Variants in EHD3 observed in about 807,000 individuals in gnomAD.
The protein encoded by EHD3 is EH domain-containing protein 3.
A neutral mutation model predicts 43.0 loss-of-function variants in EHD3; 17 were observed. The observed-to-expected ratio is 0.40, with a 90% confidence interval of 0.27 to 0.59. The LOEUF is 0.59. Ranked by LOEUF, EHD3 falls within the 20% of genes least tolerant of loss-of-function variation. The pLI, the probability that EHD3 is intolerant of heterozygous loss-of-function variation, is 0.49. For synonymous variants in EHD3, 313 were observed against 289.5 expected, an observed-to-expected ratio of 1.08 and a Z score of -0.82; for missense variants, 594 against 705.6, an observed-to-expected ratio of 0.84 and a Z score of 1.79.
At chr2:31,242,229 C>T (rs752681523) in intron 1 of EHD3, among the ~76,000 whole-genome samples, 3 of 152,238 alleles carry the variant, frequency 2.0e-5, no homozygotes, top group Non-Finnish European at 4.4e-5. Flanking sequence ...CCCTGGCCAC[C>T]ACCCCTCTGT....
At chr2:31,265,754 C>G (rs1683936992) in intron 5 of EHD3, among the ~76,000 whole-genome samples, 1 of 152,040 alleles carries the variant, frequency 6.6e-6, no homozygotes, top group Admixed American at 6.5e-5. Flanking sequence ...CAGTATAACC[C>G]TTATTAAAGT....
In EHD3 at chr2:31,256,737, G is replaced by A. The variant is rs1160681837; in HGVS notation, c.503-3773G>A. Among the ~76,000 whole-genome samples the A allele has an allele frequency of 2.0e-5, 3 of 152,230 alleles. No homozygotes were observed. The East Asian group carries it at 5.8e-4, about 29-fold the overall frequency. The stretch of plus-strand genomic sequence containing the variant: ...TACATCGCTGGTGTCATCAGGGATT[G>A]CAGCAAGTTGCAGGGACAGAGCCTC... On this transcript the variant is annotated intron_variant, in intron 3 of 5. Transcript: ENST00000322054.
chr2:31,250,268 CTTT>C (rs34290931), intron 3 of EHD3, among the ~76,000 whole-genome samples: 25 of 126,054 alleles, frequency 2.0e-4, no homozygotes, highest in Non-Finnish European at 1.5e-4. Flanking sequence ...TCGTTGTTTT[CTTT>C]TTTTTTTTTT....
In EHD3 at chr2:31,244,393, T is replaced by C; in HGVS notation, c.347T>C (p.Val116Ala). ...ATCATCCCTGGGAACGCCCTGGTGGTGGATCCCAAGAAACCCTTCAGGAAA... is the reference window on the plus strand; with the variant it reads ...ATCATCCCTGGGAACGCCCTGGTGGCGGATCCCAAGAAACCCTTCAGGAAA... ...EGIIPGNALV[V>A]DPKKPFRKLN... The change falls in exon 2 of 6, where the codon GTG becomes GCG. Residue 116 changes from valine (V) to alanine (A), a missense_variant. Around this residue, in one of 3 missense-constraint regions of EHD3, gnomAD observed 243 missense variants for 296.7 expected, o/e 0.82. Coordinates refer to ENST00000322054, the MANE Select transcript of EHD3 (RefSeq NM_014600.3). 6.2e-7 allele frequency: 1 copy of C among 1,614,176 alleles called. No homozygotes were observed. Among genetic ancestry groups the C allele is most frequent in the Non-Finnish European group, 8.5e-7 (1 of 1,180,032 alleles).
chr2:31,234,542 C>A lies in EHD3; in HGVS notation c.-80C>A. The A allele has an allele frequency of 1.3e-6, 2 of 1,508,798 alleles. No homozygotes were observed. Among genetic ancestry groups the A allele is most frequent in the Non-Finnish European group, 1.8e-6 (2 of 1,109,998 alleles). 93.5% of individuals were successfully genotyped at this position (1,508,798 alleles called of 1,614,324 possible). A position where few individuals can be genotyped will look rare whatever the true frequency, so the allele number is the denominator to read the frequency against. On this transcript the variant is annotated 5_prime_UTR_variant, in exon 1 of 6. Transcript: ENST00000322054. Reference sequence around the variant, plus strand: ...GGCGGCGGCGCGGCTCGGAGCCCGGCGGACCGGTCCTACGGGACATCTTCC... The same window carrying A: ...GGCGGCGGCGCGGCTCGGAGCCCGGAGGACCGGTCCTACGGGACATCTTCC...
chr2:31,260,457 C>A lies in EHD3; in HGVS notation c.503-53C>A. On this transcript the variant is annotated intron_variant, in intron 3 of 5. Coordinates refer to ENST00000322054, the MANE Select transcript of EHD3 (RefSeq NM_014600.3). The surrounding 1 kb of genome is among the most constrained non-coding windows in gnomAD (Gnocchi z 4.6). ...TACCACACCCGACTGCTTCTCCAAA[C>A]CCCTACCCTATACCCCAAAGGCCCC... The A allele has an allele frequency of 6.5e-7, 1 of 1,535,430 alleles. No individual in the cohort carries two copies. The highest frequency in any genetic ancestry group is 8.8e-7 in the Non-Finnish European group (1 of 1,136,720).
intron 3 of EHD3, among the ~76,000 whole-genome samples, chr2:31,252,818 C>A (rs1683664264): frequency 6.6e-6 from 1 of 152,142 alleles, no homozygotes; most frequent in South Asian, 2.1e-4. Flanking sequence ...AAATGATGGC[C>A]CCAGGAGTGG....
At chr2:31,250,002 G>A (rs1683602294) in intron 3 of EHD3, among the ~76,000 whole-genome samples, 1 of 151,970 alleles carries the variant, frequency 6.6e-6, no homozygotes. Context: ...ACAGAACTCT[G>A]GAGTCAGGCT....
rs1683285698 is a variant in EHD3, at chr2:31,234,530, C to T, written c.-92C>T. On this transcript the variant is annotated 5_prime_UTR_variant, in exon 1 of 6. Transcript: ENST00000322054. ...GCGCTTGGGTGAGGCGGCGGCGCGG[C>T]TCGGAGCCCGGCGGACCGGTCCTAC... 2.7e-6 allele frequency: 4 copies of T among 1,457,034 alleles called. No homozygotes were observed. The highest frequency in any genetic ancestry group is 1.4e-5 in the African/African-American group (1 of 72,108). 90.3% of individuals were successfully genotyped at this position (1,457,034 alleles called of 1,614,324 possible). A position where few individuals can be genotyped will look rare whatever the true frequency, so the allele number is the denominator to read the frequency against.
At chr2:31,241,708 G>C (rs1683428064) in intron 1 of EHD3, among the ~76,000 whole-genome samples, 1 of 152,182 alleles carries the variant, frequency 6.6e-6, no homozygotes, top group South Asian at 2.1e-4. Context: ...GAGGTTCCCT[G>C]AGTTAAGTAC....
At position 31,234,507 on chromosome 2, in the gene EHD3, G is replaced by C; in HGVS notation, c.-115G>C. 8.1e-7 allele frequency: 1 copy of C among 1,237,450 alleles called. No homozygotes were observed. The allele number at this position is 1,237,450 out of a possible 1,614,324, so 76.7% of individuals were successfully genotyped here. A position where few individuals can be genotyped will look rare whatever the true frequency, so the allele number is the denominator to read the frequency against. ...GGGCCATGGTGCGGCTGAGCCCCGC[G>C]CTTGGGTGAGGCGGCGGCGCGGCTC... On this transcript the variant is annotated 5_prime_UTR_variant, in exon 1 of 6. Transcript: ENST00000322054.
At chr2:31,237,658 G>C (rs975114265) in intron 1 of EHD3, among the ~76,000 whole-genome samples, 17 of 152,138 alleles carry the variant, frequency 1.1e-4, no homozygotes, top group African/African-American at 4.1e-4. Context: ...ACCCACCTCA[G>C]CCTCCCAAAG....
chr2:31,265,631 T>G (rs553609616), intron 5 of EHD3, among the ~76,000 whole-genome samples: 8 of 152,252 alleles, frequency 5.3e-5, no homozygotes, highest in African/African-American at 1.9e-4. Context: ...CCTGTTTGGT[T>G]TTTGTTTTTG....
At chr2:31,245,750 T>G (rs1210253187) in intron 2 of EHD3, among the ~76,000 whole-genome samples, 14 of 144,426 alleles carry the variant, frequency 9.7e-5, no homozygotes, top group Admixed American at 5.5e-4. Context: ...TTTTTTTTTT[T>G]TTTTTTTTTT....
rs1683813043 is a variant in EHD3, at chr2:31,259,764, T to G, written c.503-746T>G. ...GTATCTACTTTTTAGTGTTTCATTG[T>G]TTTCAGACCTTAGAAAGAATTTCTG... On this transcript the variant is annotated intron_variant, in intron 3 of 5. Coordinates refer to ENST00000322054, the MANE Select transcript of EHD3 (RefSeq NM_014600.3). Among the ~76,000 whole-genome samples, 3 of 152,222 alleles carry G rather than the reference T, an allele frequency of 2.0e-5. No individual in the cohort carries two copies. In the South Asian group the frequency reaches 6.2e-4, roughly 32 times the overall value.
At position 31,244,398 on chromosome 2, in the gene EHD3, C is replaced by G; in HGVS notation, c.352C>G (p.Pro118Ala). The G allele has an allele frequency of 1.2e-6, 2 of 1,614,154 alleles. No individual in the cohort carries two copies. The highest frequency in any genetic ancestry group is 1.7e-6 in the Non-Finnish European group (2 of 1,180,034). ...CCCTGGGAACGCCCTGGTGGTGGAT[C>G]CCAAGAAACCCTTCAGGAAACTCAA... ...IIPGNALVVD[P>A]KKPFRKLNAF... Residue 118 changes from proline to alanine, a missense_variant, in exon 2 of 6, where the codon CCC becomes GCC. Pro to Ala is a conservative substitution (Grantham distance 27). Coordinates refer to ENST00000322054, the MANE Select transcript of EHD3 (RefSeq NM_014600.3).
chr2:31,250,355 C>T (rs1288104417), intron 3 of EHD3, among the ~76,000 whole-genome samples: 1 of 151,436 alleles, frequency 6.6e-6, no homozygotes. Flanking sequence ...CAACCTCTGC[C>T]TCCCGGGTTC....
In EHD3 at chr2:31,244,367, G is replaced by C; in HGVS notation, c.321G>C (p.Gly107=). 1 of 1,614,240 alleles carries C rather than the reference G, an allele frequency of 6.2e-7. No individual in the cohort carries two copies. Among genetic ancestry groups the C allele is most frequent in the Non-Finnish European group, 8.5e-7 (1 of 1,180,042 alleles). Reference sequence around the variant, plus strand: ...CGGTGATGCAGGGAGACATGGAGGGGATCATCCCTGGGAACGCCCTGGTGG... The same window carrying C: ...CGGTGATGCAGGGAGACATGGAGGGCATCATCCCTGGGAACGCCCTGGTGG... ...FIAVMQGDME[G]IIPGNALVVD... is the part of the protein sequence containing the mutation. Residue 107 remains glycine (G), a synonymous_variant, in exon 2 of 6, where the codon GGG becomes GGC. Transcript: ENST00000322054.
chr2:31,260,674 C>T lies in EHD3; in HGVS notation c.667C>T (p.Gln223Ter). The change falls in exon 4 of 6, where the codon CAG (glutamine) becomes TAG (stop). Residue 223 changes from glutamine to a stop codon, truncating the protein, a stop_gained. Transcript: ENST00000322054. LOFTEE classifies it high-confidence loss of function. The surrounding 1 kb of genome is among the most constrained non-coding windows in gnomAD (Gnocchi z 4.6). ...KMRVVLNKAD[Q>*]IETQQLMRVY... ...GCGAGTGGTGCTGAACAAAGCTGAC[C>T]AGATCGAGACGCAGCAGCTGATGCG... 6.2e-7 allele frequency: 1 copy of T among 1,614,166 alleles called. No homozygotes were observed. The highest frequency in any genetic ancestry group is 8.5e-7 in the Non-Finnish European group (1 of 1,180,020).
Sources: allele counts gnomAD v4.1 joint callset (sites outside exome capture counted in the v4.1 genomes callset), GRCh38; gene constraint gnomAD v4.1.1; regional missense constraint gnomAD v4.1.1; non-coding constraint Gnocchi (gnomAD v3.1); transcripts MANE v1.5; gene names NCBI Gene and HGNC (gene_info 2026-07-23, HGNC 2026-07-21).